The following NXPH1 variants were observed in gnomAD, a reference collection of about 807,000 sequenced individuals.
NXPH1 encodes the protein neurexophilin-1.
NXPH1 carries 5 observed loss-of-function variants against 23.7 expected under a neutral mutation model. That is an observed-to-expected ratio of 0.21 (90% CI 0.11 to 0.44). The LOEUF (loss-of-function observed/expected upper bound fraction) is 0.44. Ranked by LOEUF, NXPH1 falls within the 20% of genes least tolerant of loss-of-function variation. NXPH1 has a pLI of 0.99. For missense variants in NXPH1, 324 were observed against 321.6 expected (o/e 1.01, Z -0.06); for synonymous variants, 144 against 122.2 (o/e 1.18, Z -1.18).
At chr7:8,694,391 T>A (rs890365637) in intron 2 of NXPH1, among the ~76,000 whole-genome samples, 2 of 152,188 alleles carry the variant, frequency 1.3e-5, no homozygotes, top group African/African-American at 4.8e-5. Context: ...TATAGCTCAG[T>A]GCTTTTGGGG....
chr7:8,485,131 A>G (rs1817137901), intron 2 of NXPH1, among the ~76,000 whole-genome samples: 1 of 152,158 alleles, frequency 6.6e-6, no homozygotes. Context: ...AAGGCAATTC[A>G]ATCACGTGGG....
intron 2 of NXPH1, among the ~76,000 whole-genome samples, chr7:8,471,674 C>G (rs1341472721): frequency 2.0e-5 from 3 of 151,958 alleles, no homozygotes; most frequent in African/African-American, 7.3e-5. Context: ...CTTGAACTAT[C>G]TATATTTATT....
At chr7:8,714,038 GC>G (rs1562462829) in intron 2 of NXPH1, among the ~76,000 whole-genome samples, 2 of 152,174 alleles carry the variant, frequency 1.3e-5, no homozygotes, top group Non-Finnish European at 2.9e-5. Flanking sequence ...GCCAAACAAG[GC>G]CCTGGGTGGG....
intron 2 of NXPH1, among the ~76,000 whole-genome samples, chr7:8,710,619 A>G (rs1392605041): frequency 6.7e-6 from 1 of 148,408 alleles, no homozygotes; most frequent in Non-Finnish European, 1.5e-5. Flanking sequence ...TGGTTGTTGA[A>G]CAAAGCATGT....
At chr7:8,473,039 T>C (rs1816894001) in intron 2 of NXPH1, among the ~76,000 whole-genome samples, 2 of 152,028 alleles carry the variant, frequency 1.3e-5, no homozygotes, top group Admixed American at 1.3e-4. Context: ...TGCTCTCCAA[T>C]TCTAAAAACA....
At chr7:8,709,289 G>T (rs996119418) in intron 2 of NXPH1, among the ~76,000 whole-genome samples, 4 of 151,948 alleles carry the variant, frequency 2.6e-5, no homozygotes, top group African/African-American at 9.7e-5. Flanking sequence ...TGATTTGTAT[G>T]TCATTCACAT....
intron 2 of NXPH1, among the ~76,000 whole-genome samples, chr7:8,698,934 A>G (rs376338267): frequency 7.9e-5 from 12 of 152,160 alleles, no homozygotes; most frequent in Admixed American, 3.3e-4. Flanking sequence ...ATTTATTTTC[A>G]GAAGTTTATT....
At chr7:8,692,651 T>C (rs1333927647) in intron 2 of NXPH1, among the ~76,000 whole-genome samples, 2 of 152,192 alleles carry the variant, frequency 1.3e-5, no homozygotes, top group East Asian at 3.8e-4. Context: ...ATGGGAAAAG[T>C]CTCCATAGTT....
chr7:8,677,268 C>G (rs1263044944), intron 2 of NXPH1, among the ~76,000 whole-genome samples: 1 of 152,092 alleles, frequency 6.6e-6, no homozygotes, highest in African/African-American at 2.4e-5. Context: ...TAAAAAATTT[C>G]TAAGGTTATA....
At chr7:8,499,019 A>G (rs10155826) in intron 2 of NXPH1, among the ~76,000 whole-genome samples, 119,182 of 151,910 alleles carry the variant, frequency 0.78, 47,430 homozygotes, top group East Asian at 0.94. Context: ...AGAGTGTTTA[A>G]CATGAAGTGA....
chr7:8,586,349 A>G (rs749291651), intron 2 of NXPH1, among the ~76,000 whole-genome samples: 2 of 152,142 alleles, frequency 1.3e-5, no homozygotes, highest in Non-Finnish European at 2.9e-5. Flanking sequence ...TAGGGAGTTT[A>G]GTATGGAATT....
chr7:8,453,182 AAG>A, intron 2 of NXPH1, among the ~76,000 whole-genome samples: 1 of 152,228 alleles, frequency 6.6e-6, no homozygotes, highest in Non-Finnish European at 1.5e-5. Flanking sequence ...GAGAGGAAGA[AAG>A]AAATACTTGT....
At chr7:8,545,220 G>T (rs760388889) in intron 2 of NXPH1, among the ~76,000 whole-genome samples, 2 of 151,486 alleles carry the variant, frequency 1.3e-5, no homozygotes, top group African/African-American at 2.4e-5. Flanking sequence ...GGGAGTAGAA[G>T]ATTGAGTTTC....
chr7:8,456,913 C>T (rs1365424694), intron 2 of NXPH1, among the ~76,000 whole-genome samples: 1 of 152,076 alleles, frequency 6.6e-6, no homozygotes, highest in African/African-American at 2.4e-5. Flanking sequence ...ACCACTGTCC[C>T]CACTGCAGCC....
chr7:8,566,667 C>T (rs1033162642), intron 2 of NXPH1, among the ~76,000 whole-genome samples: 11 of 151,738 alleles, frequency 7.2e-5, no homozygotes, highest in African/African-American at 2.2e-4. Flanking sequence ...CTCATGAGTT[C>T]GAAGGCCTTT....
At chr7:8,710,903 C>G (rs1453018603) in intron 2 of NXPH1, among the ~76,000 whole-genome samples, 1 of 149,098 alleles carries the variant, frequency 6.7e-6, no homozygotes, top group Non-Finnish European at 1.5e-5. Flanking sequence ...ACCTCATGAT[C>G]CACCCGCCTC....
intron 2 of NXPH1, among the ~76,000 whole-genome samples, chr7:8,674,390 C>T (rs992516): frequency 0.73 from 110,831 of 151,986 alleles, 40,843 homozygotes; most frequent in East Asian, 1. Flanking sequence ...ATTCACTTCC[C>T]GAGAGTATGA....
At chr7:8,656,471 A>G (rs1820583317) in intron 2 of NXPH1, among the ~76,000 whole-genome samples, 1 of 150,880 alleles carries the variant, frequency 6.6e-6, no homozygotes, top group African/African-American at 2.4e-5. Flanking sequence ...ATGCAACTTT[A>G]CTAAAATCGG....
At chr7:8,681,366 T>C (rs1821046060) in intron 2 of NXPH1, among the ~76,000 whole-genome samples, 2 of 152,194 alleles carry the variant, frequency 1.3e-5, no homozygotes, top group African/African-American at 2.4e-5. Context: ...TTTGAGACAA[T>C]TTACCCAGTA....
Sources: allele counts gnomAD v4.1 joint callset (sites outside exome capture counted in the v4.1 genomes callset), GRCh38; gene constraint gnomAD v4.1.1; transcripts MANE v1.5; gene names NCBI Gene and HGNC (gene_info 2026-07-23, HGNC 2026-07-21).